The following TEX15 variants were observed in gnomAD, a reference collection of about 807,000 sequenced individuals.
TEX15 encodes the protein testis expressed 15, meiosis and synapsis associated, also known as testis-expressed protein 15.
In TEX15, 171 loss-of-function variants were observed where a neutral mutation model predicts 237.3. That is an observed-to-expected ratio of 0.72 (90% CI 0.64 to 0.82). The LOEUF is 0.82. Among genes scored for constraint, TEX15 ranks in the 40% least tolerant of loss-of-function variants. The probability of loss-of-function intolerance (pLI) is 0.00; values close to 1 mark genes in which losing one functional copy is unlikely to be tolerated. For missense variants in TEX15, 3,750 were observed against 3,646.5 expected (o/e 1.03, Z -0.73); for synonymous variants, 1,338 against 1,269.8 (o/e 1.05, Z -1.14).
At chr8:30,876,799 C>T (rs759221888) in intron 3 of TEX15, among the ~76,000 whole-genome samples, 3 of 152,146 alleles carry the variant, frequency 2.0e-5, no homozygotes, top group Non-Finnish European at 4.4e-5. Context: ...TGTCCCTACC[C>T]AGATCTCATC....
chr8:30,834,774 A>C (rs1464313152), intron 10 of TEX15, among the ~76,000 whole-genome samples: 1 of 152,178 alleles, frequency 6.6e-6, no homozygotes, highest in Non-Finnish European at 1.5e-5. Context: ...ATTCCAGGCT[A>C]AAGTATTTGA....
chr8:30,901,701 A>AAG (rs1809009536), intron 1 of TEX15, among the ~76,000 whole-genome samples: 1 of 152,256 alleles, frequency 6.6e-6, no homozygotes, highest in African/African-American at 2.4e-5. Context: ...TCAGTGTGGT[A>AAG]AGAGTTGGGT....
chr8:30,904,891 T>C (rs1432133479), intron 1 of TEX15, among the ~76,000 whole-genome samples: 2 of 152,206 alleles, frequency 1.3e-5, no homozygotes, highest in Admixed American at 1.3e-4. Context: ...AAACAAGTTA[T>C]CTAATACTGT....
At position 30,843,181 on chromosome 8, in the gene TEX15, G is replaced by C. The variant is rs755705800; in HGVS notation, c.6986C>G (p.Pro2329Arg). The C allele has an allele frequency of 3.7e-6, 6 of 1,613,382 alleles. No individual in the cohort carries two copies. The highest frequency in any genetic ancestry group is 1.3e-5 in the African/African-American group (1 of 75,006). The change falls in exon 8 of 11, where the codon CCT (proline) becomes CGT (arginine). Residue 2329 changes from proline (P) to arginine (R), a missense_variant. Pro to Arg is a moderately radical substitution (Grantham distance 103). Coordinates refer to ENST00000643185, the MANE Select transcript of TEX15 (RefSeq NM_001350162.2). Reference sequence around the variant, plus strand: ...TATAGTATCCTCCTCAAGCCCAATAGGGGAAATTGGTTCATTGTTTAAATC... The same window carrying C: ...TATAGTATCCTCCTCAAGCCCAATACGGGAAATTGGTTCATTGTTTAAATC... The part of the protein sequence containing the change: ...SKDLNNEPIS[P>R]IGLEEDTIIA...
intron 1 of TEX15, among the ~76,000 whole-genome samples, chr8:30,906,464 C>A (rs1182790502): frequency 7.2e-5 from 11 of 151,914 alleles, no homozygotes; most frequent in Admixed American, 7.2e-4. Flanking sequence ...GTGGCAGGCA[C>A]CTGTAATCCC....
At chr8:30,901,014 T>G (rs1379982249) in intron 1 of TEX15, among the ~76,000 whole-genome samples, 1 of 152,156 alleles carries the variant, frequency 6.6e-6, no homozygotes, top group Non-Finnish European at 1.5e-5. Flanking sequence ...CAGGCGTGCC[T>G]GTAGTCCTAG....
Position 30,833,372 on chromosome 8 carries a change from G to A in TEX15, c.9482-49C>T, listed in dbSNP as rs574273780. ...ATTTAAATAAATAATTTAGACTAAT[G>A]GTACATGATACTATAGTGGAAAGAA... On this transcript the variant is annotated intron_variant, in intron 10 of 10. Transcript: ENST00000643185. The A allele has an allele frequency of 2.2e-4, 300 of 1,361,738 alleles. 1 individual carries two copies. In the South Asian group the frequency reaches 3.7e-3, roughly 17 times the overall value. The allele number at this position is 1,361,738 out of a possible 1,614,324, so 84.4% of individuals were successfully genotyped here. A position where few individuals can be genotyped will look rare whatever the true frequency, so the allele number is the denominator to read the frequency against.
At chr8:30,907,586 A>C (rs935621817) in intron 1 of TEX15, among the ~76,000 whole-genome samples, 2 of 144,920 alleles carry the variant, frequency 1.4e-5, no homozygotes, top group Non-Finnish European at 3.0e-5. Context: ...ATAAATTAAT[A>C]TACATTATAT....
intron 1 of TEX15, among the ~76,000 whole-genome samples, chr8:30,909,820 C>T (rs1809182195): frequency 6.6e-6 from 1 of 151,946 alleles, no homozygotes; most frequent in South Asian, 2.1e-4. Context: ...AAAATATAAA[C>T]GGAAAGAAGA....
rs1327710717 is a variant in TEX15 at position 30,874,922 on chromosome 8, A to G, written c.302+15T>C. On this transcript the variant is annotated intron_variant, in intron 4 of 10. Transcript: ENST00000643185. ...ACAACAAAATCTCAAACACGTTTAG[A>G]TCATAGTAACTTACCTCTTAGCAGT... 7.7e-7 allele frequency: 1 copy of G among 1,295,178 alleles called. No homozygotes were observed. Among genetic ancestry groups the G allele is most frequent in the Admixed American group, 3.5e-5 (1 of 28,414 alleles). The allele number at this position is 1,295,178 out of a possible 1,614,324, so 80.2% of individuals were successfully genotyped here.
In TEX15 at chr8:30,845,711, A is replaced by AT. The variant is rs769717249; in HGVS notation, c.4455dup (p.Cys1486MetfsTer4). On this transcript the variant is annotated frameshift_variant, in exon 8 of 11. Coordinates refer to ENST00000643185, the MANE Select transcript of TEX15 (RefSeq NM_001350162.2). LOFTEE classifies it high-confidence loss of function. ...CTAGCCATACTTTTCCTAGAAAGGCATTTTTTCTCTCCACTTGTTTTATAA... is the reference window on the plus strand; with the variant it reads ...CTAGCCATACTTTTCCTAGAAAGGCATTTTTTTCTCTCCACTTGTTTTATAA... 8.1e-6 allele frequency: 13 copies of AT among 1,613,456 alleles called. No individual in the cohort carries two copies. The highest frequency in any genetic ancestry group is 1.1e-5 in the Non-Finnish European group (13 of 1,179,646).
At chr8:30,882,083 T>C (rs555244092) in intron 3 of TEX15, among the ~76,000 whole-genome samples, 20 of 152,350 alleles carry the variant, frequency 1.3e-4, no homozygotes, top group African/African-American at 4.8e-4. Context: ...TTTAGTTATA[T>C]ATTTCCTTTA....
chr8:30,860,526 G>A (rs1808023876), intron 5 of TEX15, among the ~76,000 whole-genome samples: 1 of 150,012 alleles, frequency 6.7e-6, no homozygotes, highest in Admixed American at 6.7e-5. Context: ...TAAACTCTAA[G>A]ATTAGAGTAA....
intron 3 of TEX15, among the ~76,000 whole-genome samples, chr8:30,883,369 C>CTTT (rs56948523): frequency 1.3e-5 from 2 of 149,774 alleles, no homozygotes; most frequent in Admixed American, 1.3e-4. Flanking sequence ...TCAGTATTTT[C>CTTT]TTTTTTTTTT....
At position 30,845,311 on chromosome 8, in the gene TEX15, G is replaced by C; in HGVS notation, c.4856C>G (p.Ser1619Cys). 6.2e-7 allele frequency: 1 copy of C among 1,612,936 alleles called. No individual in the cohort carries two copies. Residue 1619 changes from serine to cysteine, a missense_variant, in exon 8 of 11, where the codon TCT becomes TGT. Transcript: ENST00000643185. Reference sequence around the variant, plus strand: ...TATGTTTTCTTTTATGCAACTTAAAGATACAGAATTACTTTCATTTATTAC... The same window carrying C: ...TATGTTTTCTTTTATGCAACTTAAACATACAGAATTACTTTCATTTATTAC... Reference protein sequence around the residue: ...NEVINESNSVSLSCIKENINS... With the variant: ...NEVINESNSVCLSCIKENINS...
At chr8:30,897,435 A>T (rs1808928053) in intron 2 of TEX15, among the ~76,000 whole-genome samples, 2 of 152,048 alleles carry the variant, frequency 1.3e-5, no homozygotes, top group Admixed American at 6.5e-5. Flanking sequence ...CTACCTTTCC[A>T]ATTACTTAGA....
intron 7 of TEX15, among the ~76,000 whole-genome samples, 196 bp from the exon 8 acceptor site, chr8:30,849,512 A>G (rs1209161238): frequency 6.6e-6 from 1 of 152,234 alleles, no homozygotes; most frequent in East Asian, 1.9e-4. Context: ...ATGACGTAGC[A>G]TGAAATTCTC....
At position 30,867,302 on chromosome 8, in the gene TEX15, C is replaced by G. The variant is rs755884340; in HGVS notation, c.503G>C (p.Ser168Thr). The change falls in exon 5 of 11, where the codon AGT (serine) becomes ACT (threonine). Residue 168 changes from serine (S) to threonine (T), a missense_variant. Physicochemically the swap from Ser to Thr is moderately conservative, Grantham distance 58. Coordinates refer to ENST00000643185, the MANE Select transcript of TEX15 (RefSeq NM_001350162.2). ...AATACTTTCTACAGTAATGCTTTGA[C>G]TATGAGAATAATTCAAGGCAATATC... The part of the protein sequence containing the change: ...HVDIALNYSH[S>T]QSITVESILI... 6.6e-7 allele frequency: 1 copy of G among 1,514,268 alleles called. No homozygotes were observed. The highest frequency in any genetic ancestry group is 1.2e-5 in the South Asian group (1 of 83,530). The allele number at this position is 1,514,268 out of a possible 1,614,324, so 93.8% of individuals were successfully genotyped here. A position where few individuals can be genotyped will look rare whatever the true frequency, so the allele number is the denominator to read the frequency against.
chr8:30,893,288 T>C (rs919684057), intron 2 of TEX15, among the ~76,000 whole-genome samples: 1 of 152,028 alleles, frequency 6.6e-6, no homozygotes, highest in Non-Finnish European at 1.5e-5. Flanking sequence ...GGCACCAGAG[T>C]GAATGCACTC....
Sources: allele counts gnomAD v4.1 joint callset (sites outside exome capture counted in the v4.1 genomes callset), GRCh38; gene constraint gnomAD v4.1.1; transcripts MANE v1.5; gene names NCBI Gene and HGNC (gene_info 2026-07-23, HGNC 2026-07-21).